ENOSF1: variants seen among roughly 807,000 people sequenced by gnomAD.
ENOSF1 encodes the protein mitochondrial enolase superfamily member 1.
In ENOSF1, 73 loss-of-function variants were observed where a neutral mutation model predicts 68.2. That is an observed-to-expected ratio of 1.07 (90% CI 0.89 to 1.30). ENOSF1 has a LOEUF of 1.30. ENOSF1 is among the 50% of genes most tolerant of loss of function. The probability of loss-of-function intolerance (pLI) is 0.00; values close to 1 mark genes in which losing one functional copy is unlikely to be tolerated. For synonymous variants in ENOSF1, 223 were observed against 210.4 expected, an observed-to-expected ratio of 1.06 and a Z score of -0.52; for missense variants, 589 against 554.5, an observed-to-expected ratio of 1.06 and a Z score of -0.62.
At position 691,223 on chromosome 18, in the gene ENOSF1, C is replaced by A; in HGVS notation, c.477G>T (p.Leu159=). ...ACTCACCTAGGGCATCCTCCTCAGT[C>A]AGGACATCAGTGATGTACCTGAAAT... ...CIDFRYITDV[L]TEEDALEILQ... Residue 159 remains leucine, a synonymous_variant, in exon 6 of 16, where the codon CTG becomes CTT. Transcript: ENST00000647584. 6.2e-7 allele frequency: 1 copy of A among 1,614,172 alleles called. No individual in the cohort carries two copies.
At chr18:711,086 G>A (rs955896751) in intron 1 of ENOSF1, among the ~76,000 whole-genome samples, 8 of 152,028 alleles carry the variant, frequency 5.3e-5, no homozygotes, top group African/African-American at 1.9e-4. Flanking sequence ...GGGAGGATTG[G>A]TTGAGTCAGG....
rs1251583262 is a variant in ENOSF1, at chr18:672,767, G to C, written c.*1538C>G. The C allele has an allele frequency of 7.3e-7, 1 of 1,373,918 alleles. No individual in the cohort carries two copies. The highest frequency in any genetic ancestry group is 9.8e-7 in the Non-Finnish European group (1 of 1,016,576). 85.1% of individuals were successfully genotyped at this position (1,373,918 alleles called of 1,614,324 possible). A position where few individuals can be genotyped will look rare whatever the true frequency, so the allele number is the denominator to read the frequency against. ...TACTCCTGTAAAATAGAACTTTGTT[G>C]ATCACATCCTGTGTACTTGTTTCAC... is the stretch of plus-strand genomic sequence containing the variant. On this transcript the variant is annotated 3_prime_UTR_variant, in exon 16 of 16. Coordinates refer to ENST00000647584, the MANE Select transcript of ENOSF1 (RefSeq NM_017512.7).
chr18:679,323 C>T (rs1038452061), intron 11 of ENOSF1, among the ~76,000 whole-genome samples: 3 of 151,344 alleles, frequency 2.0e-5, no homozygotes, highest in Non-Finnish European at 4.4e-5. Context: ...GATTCTCGTG[C>T]CTCAGCCTCC....
chr18:682,763 G>T (rs1020298067), intron 11 of ENOSF1, among the ~76,000 whole-genome samples: 2 of 143,912 alleles, frequency 1.4e-5, no homozygotes, highest in African/African-American at 5.2e-5. Flanking sequence ...CACATCTGTA[G>T]TCCCAGCTAC....
At position 691,186 on chromosome 18, in the gene ENOSF1, G is replaced by C; in HGVS notation, c.496+18C>G. ...CTGTGTGTGCACGTCGTGTATCCCA[G>C]AAAGCTTCCAAACTCACCTAGGGCA... On this transcript the variant is annotated intron_variant, in intron 6 of 15. Coordinates refer to ENST00000647584, the MANE Select transcript of ENOSF1 (RefSeq NM_017512.7). 1 of 1,613,966 alleles carries C rather than the reference G, an allele frequency of 6.2e-7. No individual in the cohort carries two copies. The highest frequency in any genetic ancestry group is 8.5e-7 in the Non-Finnish European group (1 of 1,179,880).
Position 673,162 on chromosome 18 carries a change from C to CA in ENOSF1, c.*1142_*1143insT. ...AGGATGTTGCCACTGGCAAATGTAA[C>CA]TGTGCCAGTTCTTTCCATAATAAAA... On this transcript the variant is annotated 3_prime_UTR_variant, in exon 16 of 16. Transcript: ENST00000647584. 1.5e-6 allele frequency: 1 copy of CA among 672,450 alleles called. No homozygotes were observed. Among genetic ancestry groups the CA allele is most frequent in the Non-Finnish European group, 2.3e-6 (1 of 435,382 alleles). 41.7% of individuals were successfully genotyped at this position (672,450 alleles called of 1,614,324 possible).
the ENOSF1 span, among the ~76,000 whole-genome samples, chr18:664,200 T>C: frequency 7.2e-5 from 11 of 152,202 alleles, no homozygotes; most frequent in African/African-American, 2.7e-4. Context: ...CATTGAGCAG[T>C]GGTTTGTAGT....
At chr18:684,893 CT>C (rs1469258203) in intron 10 of ENOSF1, among the ~76,000 whole-genome samples, 4 of 152,004 alleles carry the variant, frequency 2.6e-5, no homozygotes, top group African/African-American at 7.2e-5. Context: ...CTGGATCTCA[CT>C]CTGTTGCCCA....
At chr18:680,679 T>G (rs1335529700) in intron 11 of ENOSF1, among the ~76,000 whole-genome samples, 2 of 60,042 alleles carry the variant, frequency 3.3e-5, no homozygotes, top group African/African-American at 9.3e-5. Flanking sequence ...CTGTTGTGTT[T>G]TTTTTTTTTT....
intron 8 of ENOSF1, 61 bp downstream of exon 8, chr18:690,488 A>T (rs2077033481): frequency 1.3e-6 from 2 of 1,581,266 alleles, no homozygotes; most frequent in Non-Finnish European, 8.7e-7. Flanking sequence ...TGAGGACAGA[A>T]GGAAAAACAG....
chr18:684,198 T>C (rs181005068), intron 10 of ENOSF1, among the ~76,000 whole-genome samples: 220 of 151,920 alleles, frequency 1.4e-3, no homozygotes, highest in African/African-American at 4.6e-3. Context: ...GGTTTCACCA[T>C]GTTAGCCAGG....
the ENOSF1 span, among the ~76,000 whole-genome samples, chr18:663,766 A>C: frequency 0.28 from 19,793 of 71,794 alleles, 3,011 homozygotes; most frequent in African/African-American, 0.48. Flanking sequence ...CCATTTATTA[A>C]ATAGGGAATC....
At chr18:668,973 G>A (rs2074921269), downstream of ENOSF1, 4 of 973,200 alleles carry the variant, frequency 4.1e-6, no homozygotes, top group South Asian at 3.3e-5. Context: ...GTCAAGGGGG[G>A]ACCCTGGGTA....
In ENOSF1 at chr18:672,778, G is replaced by A; in HGVS notation, c.*1527C>T. 2 of 1,433,586 alleles carry A rather than the reference G, an allele frequency of 1.4e-6. No homozygotes were observed. Among genetic ancestry groups the A allele is most frequent in the Non-Finnish European group, 1.9e-6 (2 of 1,056,076 alleles). 88.8% of individuals were successfully genotyped at this position (1,433,586 alleles called of 1,614,324 possible). On this transcript the variant is annotated 3_prime_UTR_variant, in exon 16 of 16. Coordinates refer to ENST00000647584, the MANE Select transcript of ENOSF1 (RefSeq NM_017512.7). ...AATAGAACTTTGTTGATCACATCCT[G>A]TGTACTTGTTTCACGGACATGAGGA...
rs772892448 is a variant in ENOSF1 at position 670,669 on chromosome 18, A to G, written c.*3636T>C. ...GTCTTTCAAACCACCATCCCTCCTT[A>G]TCTTCCTCTGCTGGTTCCTCAGATC... On this transcript the variant is annotated 3_prime_UTR_variant, in exon 16 of 16. Transcript: ENST00000647584. 1.9e-5 allele frequency: 31 copies of G among 1,611,578 alleles called. 1 individual carries two copies. The South Asian group carries it at 2.4e-4, about 13-fold the overall frequency.
chr18:691,067 C>T lies in ENOSF1; in HGVS notation c.535+1G>A, dbSNP rs759067156. 27 of 1,614,058 alleles carry T rather than the reference C, an allele frequency of 1.7e-5. No homozygotes were observed. Among genetic ancestry groups the T allele is most frequent in the South Asian group, 8.8e-5 (8 of 91,080 alleles). ...ATGAAGAAAATTTTCTTACAACCCA[C>T]CTCTTTCTTTTTTACCAATTTGACC... On this transcript the variant is annotated splice_donor_variant, in intron 7 of 15. Transcript: ENST00000647584. LOFTEE classifies it high-confidence loss of function.
At chr18:690,729 G>GTTTCCCCTGGAGAGTCCAGCTA (rs201690054) in intron 7 of ENOSF1, 98 bp from the exon 8 acceptor site, 1 of 1,552,444 alleles carries the variant, frequency 6.4e-7, no homozygotes, top group South Asian at 1.2e-5. Flanking sequence ...GAGTCCAGCT[G>GTTTCCCCTGGAGAGTCCAGCTA]TTCTCCTGAT....
At chr18:686,967 G>C (rs183821382) in intron 9 of ENOSF1, 3 of 152,248 alleles carry the variant, frequency 2.0e-5, no homozygotes, top group Non-Finnish European at 2.9e-5. Context: ...CCTGTGCTGG[G>C]AAGAGACCCT....
chr18:690,881 T>C, intron 7 of ENOSF1, 187 bp downstream of exon 7: 1 of 1,274,858 alleles, frequency 7.8e-7, no homozygotes, highest in Non-Finnish European at 1.1e-6. Context: ...CAGCAGTGGC[T>C]GAAGCAAACT....
Sources: gnomAD v4.1 joint callset for allele counts (sites outside exome capture counted in the v4.1 genomes callset) on GRCh38, gnomAD v4.1.1 for gene constraint, MANE v1.5 for transcripts, NCBI Gene and HGNC (gene_info 2026-07-23, HGNC 2026-07-21) for gene names.